QKI: variants seen among roughly 807,000 people sequenced by gnomAD.
The protein encoded by QKI is QKI, KH domain containing RNA binding.
Under a neutral mutation model 39.0 loss-of-function variants are expected in QKI, and 10 were observed. The observed-to-expected ratio is 0.26, with a 90% CI of 0.16 to 0.43. QKI has a LOEUF of 0.43. QKI is among the 20% of genes least tolerant of loss of function. The pLI, the probability that QKI is intolerant of heterozygous loss-of-function variation, is 1.00. For synonymous variants in QKI, 204 were observed against 155.4 expected (o/e 1.31, Z -2.33); for missense variants, 218 against 428.0 (o/e 0.51, Z 4.33).
At chr6:163,556,371 G>C (rs1169776479) in intron 4 of QKI, among the ~76,000 whole-genome samples, 1 of 151,840 alleles carries the variant, frequency 6.6e-6, no homozygotes, top group Non-Finnish European at 1.5e-5. Context: ...AATTAGCTGG[G>C]CGTAGTGACA....
At chr6:163,423,066 G>A (rs1788116894) in intron 1 of QKI, 1 of 152,312 alleles carries the variant, frequency 6.6e-6, no homozygotes, top group East Asian at 1.9e-4. Flanking sequence ...GGGAGGCCGA[G>A]GCAGGTGGAT....
rs796384866 is a variant in QKI, at chr6:163,576,744, G to GC, written c.*6035dup. On this transcript the variant is annotated 3_prime_UTR_variant, in exon 8 of 8. Transcript: ENST00000361752. ...TGCTTATCCTCCACCCCCAGAAAAT[G>GC]CATGTATCAATATGAGAATAAAGAA... 1.3e-5 allele frequency: 2 copies of GC among 152,200 alleles called. No homozygotes were observed. The highest frequency in any genetic ancestry group is 4.8e-5 in the African/African-American group (2 of 41,538). The allele number at this position is 152,200 out of a possible 1,614,324, so 9.4% of individuals were successfully genotyped here. A position where few individuals can be genotyped will look rare whatever the true frequency, so the allele number is the denominator to read the frequency against.
intron 2 of QKI, among the ~76,000 whole-genome samples, chr6:163,462,297 C>G (rs547359523): frequency 2.6e-5 from 4 of 152,242 alleles, no homozygotes; most frequent in Admixed American, 2.6e-4. Flanking sequence ...GGATTTACAA[C>G]AAGGTAGCTT....
chr6:163,547,639 T>G (rs1781969173), intron 4 of QKI, among the ~76,000 whole-genome samples: 1 of 152,114 alleles, frequency 6.6e-6, no homozygotes, highest in African/African-American at 2.4e-5. Context: ...CTTCCCTTGT[T>G]TTCTCTGTAG....
At chr6:163,463,310 TCA>T (rs1791479043) in intron 2 of QKI, among the ~76,000 whole-genome samples, 2 of 152,196 alleles carry the variant, frequency 1.3e-5, no homozygotes, top group South Asian at 4.1e-4. Flanking sequence ...TGATGTAACC[TCA>T]CATGTATTAG....
At chr6:163,527,012 T>C (rs1780559370) in intron 3 of QKI, among the ~76,000 whole-genome samples, 1 of 152,178 alleles carries the variant, frequency 6.6e-6, no homozygotes, top group African/African-American at 2.4e-5. Context: ...CAAAAAACAA[T>C]AAAAGTTATT....
intron 2 of QKI, among the ~76,000 whole-genome samples, chr6:163,462,359 T>A (rs759198001): frequency 2.6e-5 from 4 of 152,202 alleles, no homozygotes; most frequent in Non-Finnish European, 5.9e-5. Flanking sequence ...CATAGAACAC[T>A]GCTTTTCCCA....
At chr6:163,526,234 A>G (rs974604811) in intron 3 of QKI, among the ~76,000 whole-genome samples, 1 of 152,210 alleles carries the variant, frequency 6.6e-6, no homozygotes, top group African/African-American at 2.4e-5. Flanking sequence ...GATTTTGATG[A>G]TTTAGGAAGG....
At chr6:163,471,802 T>G (rs1484402368) in intron 2 of QKI, among the ~76,000 whole-genome samples, 8 of 151,838 alleles carry the variant, frequency 5.3e-5, no homozygotes, top group Admixed American at 2.0e-4. Context: ...ATAAATTGGC[T>G]GTTCCTGTTA....
rs369514986 is a variant in QKI, at chr6:163,487,488, GTT to G, written c.402+8594_402+8595del. Among the ~76,000 whole-genome samples the G allele has an allele frequency of 1.4e-4, 22 of 152,250 alleles. No homozygotes were observed. The East Asian group carries it at 3.9e-3, about 27-fold the overall frequency. The stretch of plus-strand genomic sequence containing the variant: ...CTCAAATATGTTGTCAGTGTTAATA[GTT>G]TCTCTGGTGTCTCATTAATATGCTT... On this transcript the variant is annotated intron_variant, in intron 3 of 7. Transcript: ENST00000361752.
chr6:163,422,263 CAAAAT>C (rs575048553), intron 1 of QKI, among the ~76,000 whole-genome samples: 93 of 152,212 alleles, frequency 6.1e-4, no homozygotes, highest in African/African-American at 2.1e-3. Flanking sequence ...TCAAGTCTAA[CAAAAT>C]AAATTATGTT....
At chr6:163,535,384 G>T (rs1209016308) in intron 4 of QKI, among the ~76,000 whole-genome samples, 1 of 152,062 alleles carries the variant, frequency 6.6e-6, no homozygotes, top group Admixed American at 6.6e-5. Flanking sequence ...TGTGTTATCA[G>T]TTCTCCTTCC....
chr6:163,439,656 C>CT (rs375640583), intron 1 of QKI, among the ~76,000 whole-genome samples: 7,531 of 124,226 alleles, frequency 0.061, 697 homozygotes, highest in African/African-American at 0.2. Context: ...GTCCTGAATC[C>CT]TTTTTTTTTT....
Position 163,417,128 on chromosome 6 carries a change from A to G in QKI, c.142+1793A>G, listed in dbSNP as rs544250214. Among the ~76,000 whole-genome samples, 255 of 152,282 alleles carry G rather than the reference A, an allele frequency of 1.7e-3. 4 individuals carry two copies. The highest frequency in any genetic ancestry group is 3.9e-4 in the East Asian group (2 of 5,186). Reference sequence around the variant, plus strand: ...TATATAGTGTTTTCGAACATTGAAAATACTTTCCTTAAAATTATTGGCACA... The same window carrying G: ...TATATAGTGTTTTCGAACATTGAAAGTACTTTCCTTAAAATTATTGGCACA... On this transcript the variant is annotated intron_variant, in intron 1 of 7. Coordinates refer to ENST00000361752, the MANE Select transcript of QKI (RefSeq NM_006775.3).
chr6:163,426,153 T>G (rs1304937988), intron 1 of QKI, among the ~76,000 whole-genome samples: 1 of 152,186 alleles, frequency 6.6e-6, no homozygotes. Flanking sequence ...TCCCCTGATA[T>G]TCTTTATAGC....
chr6:163,540,730 T>G (rs1034618764), intron 4 of QKI, among the ~76,000 whole-genome samples: 3 of 152,134 alleles, frequency 2.0e-5, no homozygotes, highest in Non-Finnish European at 2.9e-5. Context: ...CCAGTTTAGT[T>G]TCAGATGTTT....
intron 3 of QKI, among the ~76,000 whole-genome samples, chr6:163,480,570 TA>T: frequency 6.6e-6 from 1 of 152,310 alleles, no homozygotes; most frequent in Admixed American, 6.5e-5. Flanking sequence ...AAAATCTTAT[TA>T]TAATGTATTC....
chr6:163,566,389 G>C (rs1235286927), intron 6 of QKI: 2 of 1,217,474 alleles, frequency 1.6e-6, no homozygotes, highest in East Asian at 1.0e-4. Flanking sequence ...AAGTAGTCCT[G>C]CTGCAAGAAA....
rs1228761596 is a variant in QKI at position 163,524,352 on chromosome 6, CT to C, written c.403-10629del. Among the ~76,000 whole-genome samples, 22 of 32,160 alleles carry C rather than the reference CT, an allele frequency of 6.8e-4. No homozygotes were observed. In the East Asian group the frequency reaches 0.23, roughly 339 times the overall value. 21.1% of individuals were successfully genotyped at this position (32,160 alleles called of 152,430 possible). On this transcript the variant is annotated intron_variant, in intron 3 of 7. Coordinates refer to ENST00000361752, the MANE Select transcript of QKI (RefSeq NM_006775.3). The stretch of plus-strand genomic sequence containing the variant: ...TTAAAAAATAAATTATCTTAAGCTA[CT>C]CTTTTTATTCTGAAAATACATTTCC...
Sources: allele counts gnomAD v4.1 joint callset (sites outside exome capture counted in the v4.1 genomes callset), GRCh38; gene constraint gnomAD v4.1.1; transcripts MANE v1.5; gene names NCBI Gene and HGNC (gene_info 2026-07-23, HGNC 2026-07-21).